UTP6: variants seen among roughly 807,000 people sequenced by gnomAD.
UTP6 encodes U3 small nucleolar RNA-associated protein 6 homolog.
A neutral mutation model predicts 96.5 loss-of-function variants in UTP6; 60 were observed. The ratio of observed to expected loss-of-function variants is 0.62; its 90% confidence interval spans 0.51 to 0.77. UTP6 has a LOEUF of 0.77. UTP6 is among the 30% of genes least tolerant of loss of function. UTP6 has a pLI of 0.00. For missense variants in UTP6, 637 were observed against 706.5 expected, an observed-to-expected ratio of 0.90 and a Z score of 1.12; for synonymous variants, 215 against 240.1, an observed-to-expected ratio of 0.90 and a Z score of 0.96.
rs748276640 is a variant in UTP6, at chr17:31,868,086, A to G, written c.1523T>C (p.Val508Ala). 6.2e-7 allele frequency: 1 copy of G among 1,613,566 alleles called. No individual in the cohort carries two copies. Among genetic ancestry groups the G allele is most frequent in the Non-Finnish European group, 8.5e-7 (1 of 1,179,638 alleles). The part of the protein sequence containing the change: ...KSLQESRPFS[V>A]DFFRKMIQFE... ...CTGAATCATTTTCCTGAAAAAGTCAACTGAAAATGGTCGGCTCTCCTGTAA... is the reference window on the plus strand; with the variant it reads ...CTGAATCATTTTCCTGAAAAAGTCAGCTGAAAATGGTCGGCTCTCCTGTAA... Residue 508 changes from valine (V) to alanine (A), a missense_variant, in exon 17 of 19, where the codon GTT (valine) becomes GCT (alanine). Physicochemically the swap from Val to Ala is moderately conservative, Grantham distance 64. Transcript: ENST00000261708.
chr17:31,893,430 C>CA (rs1295621293), intron 4 of UTP6, among the ~76,000 whole-genome samples: 12,009 of 50,282 alleles, frequency 0.24, 1,331 homozygotes, highest in African/African-American at 0.38. Flanking sequence ...GACTCCACCT[C>CA]AAAAAAAAAA....
chr17:31,877,519 G>A (rs1029336881), intron 13 of UTP6, among the ~76,000 whole-genome samples: 1 of 152,162 alleles, frequency 6.6e-6, no homozygotes, highest in Non-Finnish European at 1.5e-5. Flanking sequence ...AGTGGCTCAC[G>A]CCTGAAAGAC....
chr17:31,890,227 C>A (rs1359257938), intron 6 of UTP6, among the ~76,000 whole-genome samples: 1 of 151,584 alleles, frequency 6.6e-6, no homozygotes, highest in East Asian at 2.0e-4. Context: ...AACTCCTGAT[C>A]TCAAATGATC....
At chr17:31,870,987 G>GTTT (rs58931819) in intron 16 of UTP6, among the ~76,000 whole-genome samples, 3 of 111,084 alleles carry the variant, frequency 2.7e-5, no homozygotes, top group Non-Finnish European at 3.8e-5. Flanking sequence ...AACTTTTTAA[G>GTTT]TTTTTTTTTT....
chr17:31,884,408 T>G lies in UTP6; in HGVS notation c.785+16A>C. 6.3e-7 allele frequency: 1 copy of G among 1,588,572 alleles called. No homozygotes were observed. Among genetic ancestry groups the G allele is most frequent in the Non-Finnish European group, 8.6e-7 (1 of 1,162,712 alleles). On this transcript the variant is annotated intron_variant, in intron 10 of 18. Coordinates refer to ENST00000261708, the MANE Select transcript of UTP6 (RefSeq NM_018428.3). ...TCAGAAATAGATATATTCACCTTTC[T>G]ACTAACTTTACTTACTCATCATAAA... is the stretch of plus-strand genomic sequence containing the variant.
intron 16 of UTP6, among the ~76,000 whole-genome samples, chr17:31,868,453 T>C (rs1909968723): frequency 1.3e-5 from 2 of 150,680 alleles, no homozygotes; most frequent in African/African-American, 4.9e-5. Flanking sequence ...CCTTAGCCTG[T>C]AGAGTAACTG....
rs1910769516 is a variant in UTP6 at position 31,880,587 on chromosome 17, T to C, written c.953A>G (p.Lys318Arg). The C allele has an allele frequency of 1.2e-6, 2 of 1,614,196 alleles. No individual in the cohort carries two copies. The highest frequency in any genetic ancestry group is 1.7e-6 in the Non-Finnish European group (2 of 1,180,030). ...RCCAVYEEAVKTLPTEAMWKC... is the reference protein window; with the variant it reads ...RCCAVYEEAVRTLPTEAMWKC... ...GTGAAGTTCACCTGTTGGCAGAGTC[T>C]TCACTGCCTCTTCATACACAGCACA... is the stretch of plus-strand genomic sequence containing the variant. The change falls in exon 11 of 19, where the codon AAG becomes AGG. Residue 318 changes from lysine (K) to arginine (R), a missense_variant. Physicochemically the swap from Lys to Arg is conservative, Grantham distance 26 (BLOSUM62 2). Transcript: ENST00000261708.
At chr17:31,869,043 G>C (rs957957257) in intron 16 of UTP6, among the ~76,000 whole-genome samples, 1 of 152,128 alleles carries the variant, frequency 6.6e-6, no homozygotes, top group Admixed American at 6.6e-5. Context: ...CCTGGGAGGC[G>C]GAGGCTGCAG....
intron 18 of UTP6, among the ~76,000 whole-genome samples, chr17:31,864,169 G>A (rs924063015): frequency 6.6e-6 from 1 of 152,172 alleles, no homozygotes; most frequent in African/African-American, 2.4e-5. Flanking sequence ...CGGATCACCT[G>A]AGGTCAAGAG....
intron 13 of UTP6, among the ~76,000 whole-genome samples, chr17:31,877,903 G>C (rs1910587566): frequency 6.7e-6 from 1 of 150,350 alleles, no homozygotes; most frequent in African/African-American, 2.5e-5. Flanking sequence ...AGAGGCAGAG[G>C]ATGCAGTGAG....
intron 6 of UTP6, among the ~76,000 whole-genome samples, chr17:31,890,885 G>A (rs1340611520): frequency 2.0e-5 from 3 of 149,622 alleles, no homozygotes; most frequent in Non-Finnish European, 4.4e-5. Context: ...TACTTAGAAG[G>A]CTGAGGCATG....
chr17:31,866,464 C>T (rs1909821927), intron 17 of UTP6, among the ~76,000 whole-genome samples: 1 of 150,578 alleles, frequency 6.6e-6, no homozygotes, highest in Non-Finnish European at 1.5e-5. Context: ...CGCGGTGGCT[C>T]ACACCTGTAA....
chr17:31,896,299 A>G (rs760939710), intron 2 of UTP6, among the ~76,000 whole-genome samples: 2 of 151,790 alleles, frequency 1.3e-5, no homozygotes, highest in Non-Finnish European at 2.9e-5. Flanking sequence ...GCTGATCTCC[A>G]ACTCCCAACC....
intron 5 of UTP6, 112 bp downstream of exon 5, chr17:31,892,635 T>C (rs551358170): frequency 3.1e-6 from 4 of 1,296,092 alleles, no homozygotes; most frequent in Non-Finnish European, 3.3e-6. Flanking sequence ...CTTCTTGGGT[T>C]CTTTTTTCAT....
intron 2 of UTP6, among the ~76,000 whole-genome samples, chr17:31,899,356 C>T (rs1904835055): frequency 6.6e-6 from 1 of 152,080 alleles, no homozygotes; most frequent in Non-Finnish European, 1.5e-5. Context: ...CCTGTAAGCC[C>T]AGCACTTTGA....
chr17:31,884,362 C>T (rs1650424180), intron 10 of UTP6, 62 bp downstream of exon 10: 1 of 1,357,242 alleles, frequency 7.4e-7, no homozygotes, highest in African/African-American at 1.5e-5. Context: ...AATATCCAAC[C>T]TCAAACCCTT....
rs1762743581 is a variant in UTP6, at chr17:31,887,580, G to A, written c.544-267C>T. On this transcript the variant is annotated intron_variant, in intron 7 of 18. Coordinates refer to ENST00000261708, the MANE Select transcript of UTP6 (RefSeq NM_018428.3). ...CGTTGCTGCCTGGCCTGAAACAACT[G>A]ACCTCAAGTGATCCTCCTGCCTCAG... 21 of 308,676 alleles carry A rather than the reference G, an allele frequency of 6.8e-5. No individual in the cohort carries two copies. In the South Asian group the frequency reaches 1.1e-3, roughly 15 times the overall value. 19.1% of individuals were successfully genotyped at this position (308,676 alleles called of 1,614,324 possible). A position where few individuals can be genotyped will look rare whatever the true frequency, so the allele number is the denominator to read the frequency against.
Position 31,884,490 on chromosome 17 carries a change from A to G in UTP6, c.719T>C (p.Val240Ala). ...TAGCTGTGCAATCGAAAGCAGTGAC[A>G]CGTGAAATTCTGCACCTAAATTTAA... is the stretch of plus-strand genomic sequence containing the variant. ...VSIIKGAEFH[V>A]SLLSIAQLFD... The change falls in exon 10 of 19, where the codon GTG (valine) becomes GCG (alanine). Residue 240 changes from valine (V) to alanine (A), a missense_variant. Physicochemically the swap from Val to Ala is moderately conservative, Grantham distance 64 (BLOSUM62 0). Coordinates refer to ENST00000261708, the MANE Select transcript of UTP6 (RefSeq NM_018428.3). The G allele has an allele frequency of 6.2e-7, 1 of 1,612,016 alleles. No individual in the cohort carries two copies. The highest frequency in any genetic ancestry group is 8.5e-7 in the Non-Finnish European group (1 of 1,179,170).
chr17:31,880,778 T>G (rs1438266733), intron 10 of UTP6, 24 bp from the exon 11 acceptor site: 2 of 1,612,980 alleles, frequency 1.2e-6, no homozygotes, highest in African/African-American at 2.7e-5. Flanking sequence ...TTTACTGTTA[T>G]CAATCCCACA....
Sources: allele counts gnomAD v4.1 joint callset (sites outside exome capture counted in the v4.1 genomes callset), GRCh38; gene constraint gnomAD v4.1.1; transcripts MANE v1.5; gene names NCBI Gene and HGNC (gene_info 2026-07-23, HGNC 2026-07-21).